PKIB: variants seen among roughly 807,000 people sequenced by gnomAD.
PKIB encodes cAMP-dependent protein kinase inhibitor beta.
A neutral mutation model predicts 4.5 loss-of-function variants in PKIB; 2 were observed. That is an observed-to-expected ratio of 0.44 (90% confidence interval 0.18 to 1.39). The LOEUF (loss-of-function observed/expected upper bound fraction) is 1.39, where lower values mean the gene tolerates loss of function less well. PKIB is among the 40% of genes most tolerant of loss of function. PKIB has a pLI of 0.27. For missense variants in PKIB, 94 were observed against 92.6 expected, an observed-to-expected ratio of 1.02 and a Z score of -0.06; for synonymous variants, 38 against 36.0, an observed-to-expected ratio of 1.06 and a Z score of -0.20.
At chr6:122,567,516 A>C (rs1429676265) in intron 2 of PKIB, among the ~76,000 whole-genome samples, 1 of 152,194 alleles carries the variant, frequency 6.6e-6, no homozygotes, top group Non-Finnish European at 1.5e-5. Context: ...GAGCAACCCA[A>C]AATAAAACAC....
intron 2 of PKIB, among the ~76,000 whole-genome samples, chr6:122,555,866 GA>G (rs1189925919): frequency 6.6e-5 from 10 of 152,142 alleles, no homozygotes; most frequent in Admixed American, 1.3e-4. Context: ...CACCAACTTG[GA>G]ATTGAAAAGA....
chr6:122,642,562 C>T (rs1474586906), intron 2 of PKIB, among the ~76,000 whole-genome samples: 3 of 152,056 alleles, frequency 2.0e-5, no homozygotes, highest in African/African-American at 7.2e-5. Context: ...GCTATTTGCT[C>T]CCTCTTCTCA....
chr6:122,572,677 CA>C (rs1219024499), intron 2 of PKIB, among the ~76,000 whole-genome samples: 8 of 136,848 alleles, frequency 5.8e-5, no homozygotes, highest in Non-Finnish European at 1.3e-4. Flanking sequence ...ATAAATGAAA[CA>C]AAAAGCTGGT....
chr6:122,503,168 C>G (rs1276769251), intron 2 of PKIB, among the ~76,000 whole-genome samples: 1 of 152,086 alleles, frequency 6.6e-6, no homozygotes, highest in East Asian at 1.9e-4. Context: ...CACGAAAGAC[C>G]CCACTTCCAA....
intron 2 of PKIB, among the ~76,000 whole-genome samples, chr6:122,528,729 A>C (rs1290602786): frequency 6.6e-6 from 1 of 152,122 alleles, no homozygotes; most frequent in Non-Finnish European, 1.5e-5. Flanking sequence ...TCGTCTCTAC[A>C]AAAAATAAAA....
intron 2 of PKIB, among the ~76,000 whole-genome samples, chr6:122,527,941 CT>C (rs1203557295): frequency 1.3e-5 from 2 of 152,084 alleles, no homozygotes; most frequent in African/African-American, 4.8e-5. Flanking sequence ...GATATTCTGT[CT>C]GGTTATTCTA....
chr6:122,660,776 A>G (rs1776954507), intron 2 of PKIB, among the ~76,000 whole-genome samples: 1 of 152,180 alleles, frequency 6.6e-6, no homozygotes, highest in African/African-American at 2.4e-5. Flanking sequence ...GAAATGTGTG[A>G]TTTCTTCAAG....
At chr6:122,633,188 T>A (rs2114825036) in intron 1 of PKIB, 95 bp from the exon 2 acceptor site, 1 of 152,290 alleles carries the variant, frequency 6.6e-6, no homozygotes, top group African/African-American at 2.4e-5. Context: ...AAGTTAGACT[T>A]TTTTGTCTAA....
At chr6:122,554,681 G>A (rs1030715868) in intron 2 of PKIB, among the ~76,000 whole-genome samples, 1 of 152,174 alleles carries the variant, frequency 6.6e-6, no homozygotes, top group Non-Finnish European at 1.5e-5. Flanking sequence ...TCAGGGGTAA[G>A]TATATAACCT....
chr6:122,540,414 A>G (rs1264741080), intron 2 of PKIB, among the ~76,000 whole-genome samples: 3 of 151,808 alleles, frequency 2.0e-5, no homozygotes, highest in African/African-American at 4.9e-5. Flanking sequence ...GAACATCTTT[A>G]TTTCTGCCTT....
chr6:122,695,571 AAGAAAAAT>A (rs1265501467), intron 3 of PKIB, among the ~76,000 whole-genome samples: 2 of 152,174 alleles, frequency 1.3e-5, no homozygotes, highest in Non-Finnish European at 2.9e-5. Flanking sequence ...CGGTTCAAAG[AAGAAAAAT>A]ATTCTTGTTG....
chr6:122,713,226 A>C (rs1292557990), intron 3 of PKIB, among the ~76,000 whole-genome samples: 1 of 152,170 alleles, frequency 6.6e-6, no homozygotes, highest in Admixed American at 6.6e-5. Context: ...GACTTTTGTG[A>C]AATCTCCAAA....
At chr6:122,600,797 G>T (rs550571810) in intron 3 of PKIB, among the ~76,000 whole-genome samples, 1 of 152,228 alleles carries the variant, frequency 6.6e-6, no homozygotes, top group South Asian at 2.1e-4. Context: ...GAGTAGGCAT[G>T]CAGGGAAGCA....
chr6:122,492,984 A>G (rs1205529706), intron 2 of PKIB, among the ~76,000 whole-genome samples: 1 of 152,198 alleles, frequency 6.6e-6, no homozygotes, highest in East Asian at 1.9e-4. Flanking sequence ...GTGTCCCAGT[A>G]GATAATTAAT....
intron 2 of PKIB, among the ~76,000 whole-genome samples, chr6:122,559,537 T>A (rs1231548975): frequency 6.6e-6 from 1 of 151,250 alleles, no homozygotes; most frequent in Non-Finnish European, 1.5e-5. Context: ...TCTTTTTTGT[T>A]CCCTATGAAT....
intron 2 of PKIB, among the ~76,000 whole-genome samples, chr6:122,582,524 G>A (rs192229482): frequency 3.2e-4 from 49 of 152,186 alleles, no homozygotes; most frequent in African/African-American, 1.2e-3. Flanking sequence ...TTGCACTAAT[G>A]TTTGTATTAT....
chr6:122,638,661 C>T (rs1191944365), intron 2 of PKIB, among the ~76,000 whole-genome samples: 1 of 152,176 alleles, frequency 6.6e-6, no homozygotes, highest in Non-Finnish European at 1.5e-5. Context: ...CTCAGTATTG[C>T]GTTTAGCACT....
rs181775889 is a variant in PKIB at position 122,475,725 on chromosome 6, G to A, written c.-336-2126G>A. ...TGCTCGAACCTGGGAGGCAGAGGTT[G>A]CAGTGAGCTGAGATCACGCCACTGC... On this transcript the variant is annotated intron_variant, in intron 1 of 6. Coordinates refer to the PKIB transcript ENST00000392491. Among the ~76,000 whole-genome samples the A allele has an allele frequency of 1.5e-3, 230 of 152,262 alleles. 2 individuals are homozygous for A. The highest frequency in any genetic ancestry group is 5.3e-3 in the African/African-American group (220 of 41,540).
Position 122,635,398 on chromosome 6 carries a change from A to G in PKIB, c.-76+2031A>G, listed in dbSNP as rs373368659. Among the ~76,000 whole-genome samples the G allele has an allele frequency of 1.7e-4, 26 of 152,244 alleles. No individual in the cohort carries two copies. The South Asian group carries it at 5.4e-3, about 32-fold the overall frequency. On this transcript the variant is annotated intron_variant, in intron 2 of 4. Transcript: ENST00000368452. ...GGAGCTAAAACACTACGTTTAAGTGACTATAGTATCTTATTTTCATCAGCT... is the reference window on the plus strand; with the variant it reads ...GGAGCTAAAACACTACGTTTAAGTGGCTATAGTATCTTATTTTCATCAGCT...
Sources: allele counts gnomAD v4.1 joint callset (sites outside exome capture counted in the v4.1 genomes callset), GRCh38; gene constraint gnomAD v4.1.1; transcripts MANE v1.5; gene names NCBI Gene and HGNC (gene_info 2026-07-23, HGNC 2026-07-21).